The following TRPC4AP variants were observed in gnomAD, a reference collection of about 807,000 sequenced individuals.
The protein encoded by TRPC4AP is short transient receptor potential channel 4-associated protein.
In TRPC4AP, 45 loss-of-function variants were observed where a neutral mutation model predicts 99.0. The ratio of observed to expected loss-of-function variants is 0.45; its 90% CI spans 0.36 to 0.58. The LOEUF (loss-of-function observed/expected upper bound fraction) is 0.58, where lower values mean the gene tolerates loss of function less well. TRPC4AP is among the 20% of genes least tolerant of loss of function. The pLI is 0.00. For synonymous variants in TRPC4AP, 408 were observed against 385.8 expected (o/e 1.06, Z -0.67); for missense variants, 879 against 985.3 (o/e 0.89, Z 1.44).
chr20:35,035,354 G>A, intron 7 of TRPC4AP, 46 bp from the exon 8 acceptor site: 1 of 1,583,354 alleles, frequency 6.3e-7, no homozygotes, highest in Non-Finnish European at 8.6e-7. Flanking sequence ...ATAGAGACCA[G>A]CAAAACTACC....
rs2082674478 is a variant in TRPC4AP at position 35,013,037 on chromosome 20, C to T, written c.1380G>A (p.Arg460=). The T allele has an allele frequency of 1.2e-6, 2 of 1,614,122 alleles. No individual in the cohort carries two copies. The highest frequency in any genetic ancestry group is 1.3e-5 in the African/African-American group (1 of 75,050). ...PDITLKIQFL[R]LLQSFSDHHE... Reference sequence around the variant, plus strand: ...GGTGGTCACTGAAGCTCTGAAGAAGCCTCAAAAACTGTATCTTCAAGGTGA... The same window carrying T: ...GGTGGTCACTGAAGCTCTGAAGAAGTCTCAAAAACTGTATCTTCAAGGTGA... Residue 460 remains arginine (R), a synonymous_variant, in exon 11 of 19, where the codon AGG becomes AGA. Coordinates refer to ENST00000252015, the MANE Select transcript of TRPC4AP (RefSeq NM_015638.3).
At chr20:35,028,705 T>G (rs2083091601) in intron 8 of TRPC4AP, among the ~76,000 whole-genome samples, 1 of 152,180 alleles carries the variant, frequency 6.6e-6, no homozygotes, top group South Asian at 2.1e-4. Flanking sequence ...ACAGTGTTAT[T>G]TAAGTCTTCT....
intron 5 of TRPC4AP, among the ~76,000 whole-genome samples, chr20:35,051,763 T>G (rs1358186574): frequency 6.6e-6 from 1 of 152,094 alleles, no homozygotes; most frequent in Admixed American, 6.6e-5. Context: ...AGAACTAAAT[T>G]TACACTTTCT....
In TRPC4AP at chr20:35,007,629, GC is replaced by G; in HGVS notation, c.1606del (p.Ala536LeufsTer21). 6.2e-7 allele frequency: 1 copy of G among 1,614,228 alleles called. No individual in the cohort carries two copies. Among genetic ancestry groups the G allele is most frequent in the Non-Finnish European group, 8.5e-7 (1 of 1,180,032 alleles). ...TCGGAGGAAACTCTCCACAGCCCGA[GC>G]TTGCCAAAACCTGCGACCCAAATAC... ...PAESSFRFWQ[A>X]RAVESFLRGT... On this transcript the variant is annotated frameshift_variant, in exon 14 of 19. Coordinates refer to ENST00000252015, the MANE Select transcript of TRPC4AP (RefSeq NM_015638.3). LOFTEE classifies it high-confidence loss of function.
chr20:35,072,341 C>T (rs2084343009), intron 2 of TRPC4AP, among the ~76,000 whole-genome samples: 1 of 152,192 alleles, frequency 6.6e-6, no homozygotes, highest in African/African-American at 2.4e-5. Context: ...GTGTTTTAGT[C>T]ATGAAGTCCT....
At chr20:35,032,922 G>C (rs1443194552) in intron 8 of TRPC4AP, among the ~76,000 whole-genome samples, 1 of 152,030 alleles carries the variant, frequency 6.6e-6, no homozygotes, top group Non-Finnish European at 1.5e-5. Flanking sequence ...GACATTTTAG[G>C]CTGGGTGTGG....
chr20:35,025,013 A>G (rs1467751972), intron 8 of TRPC4AP, among the ~76,000 whole-genome samples: 1 of 152,002 alleles, frequency 6.6e-6, no homozygotes, highest in African/African-American at 2.4e-5. Context: ...TCTAGGCCCT[A>G]TGACATAACT....
chr20:35,012,564 C>A (rs1358208723), intron 11 of TRPC4AP, among the ~76,000 whole-genome samples: 2 of 152,178 alleles, frequency 1.3e-5, no homozygotes, highest in Non-Finnish European at 2.9e-5. Context: ...AATAAATGAG[C>A]GCAGAATGTC....
chr20:35,003,563 C>G lies in TRPC4AP; in HGVS notation c.2103G>C (p.Arg701=). ...GCAGGTACAGGGGCAGCCGCTCTTT[C>G]CGTCGGGCCAGCATCAGGATCACCA... The part of the protein sequence containing the change: ...TSLVILMLAR[R]KERLPLYLRL... Residue 701 remains arginine, a synonymous_variant, in exon 18 of 19, where the codon CGG becomes CGC. Coordinates refer to ENST00000252015, the MANE Select transcript of TRPC4AP (RefSeq NM_015638.3). 1.9e-6 allele frequency: 3 copies of G among 1,613,968 alleles called. No individual in the cohort carries two copies. The highest frequency in any genetic ancestry group is 2.5e-6 in the Non-Finnish European group (3 of 1,179,914).
At chr20:35,010,944 T>C (rs761761044) in intron 11 of TRPC4AP, among the ~76,000 whole-genome samples, 20 of 152,202 alleles carry the variant, frequency 1.3e-4, no homozygotes, top group Non-Finnish European at 2.9e-4. Flanking sequence ...AAACCCATCG[T>C]ATTTGAAAAT....
chr20:35,045,051 A>T (rs764276516), intron 6 of TRPC4AP, among the ~76,000 whole-genome samples: 13 of 152,166 alleles, frequency 8.5e-5, no homozygotes, highest in Non-Finnish European at 1.8e-4. Context: ...GAAATCATAA[A>T]TTACCATTCT....
intron 2 of TRPC4AP, among the ~76,000 whole-genome samples, chr20:35,071,352 T>C (rs1008456082): frequency 2.0e-5 from 3 of 152,124 alleles, no homozygotes; most frequent in African/African-American, 7.2e-5. Context: ...TACATATGTA[T>C]ACATGTGCCA....
chr20:35,024,854 A>AAAAAC (rs1479270980), intron 8 of TRPC4AP, among the ~76,000 whole-genome samples: 1 of 89,480 alleles, frequency 1.1e-5, no homozygotes, highest in African/African-American at 3.9e-5. Context: ...AAAAAAAAAA[A>AAAAAC]ATTCTGTTTA....
intron 2 of TRPC4AP, among the ~76,000 whole-genome samples, chr20:35,070,555 C>T (rs1486593551): frequency 1.3e-5 from 2 of 151,944 alleles, no homozygotes; most frequent in African/African-American, 4.8e-5. Context: ...GGACTACAGG[C>T]GCCCGCCACT....
chr20:35,015,955 C>G, intron 10 of TRPC4AP, 53 bp downstream of exon 10: 1 of 1,607,782 alleles, frequency 6.2e-7, no homozygotes. Context: ...GGTCTTGAAA[C>G]AACTACTCCA....
chr20:35,076,042 G>A (rs1045760912), intron 2 of TRPC4AP, among the ~76,000 whole-genome samples: 1 of 151,990 alleles, frequency 6.6e-6, no homozygotes, highest in African/African-American at 2.4e-5. Context: ...TCTTCCACTT[G>A]ATCGAATTGG....
chr20:35,075,443 G>C (rs1429295766), intron 2 of TRPC4AP, among the ~76,000 whole-genome samples: 1 of 152,166 alleles, frequency 6.6e-6, no homozygotes, highest in Non-Finnish European at 1.5e-5. Flanking sequence ...GCTCTTGTAA[G>C]GCAGGCCTGG....
chr20:35,021,226 G>A lies in TRPC4AP; in HGVS notation c.1182C>T (p.Val394=), dbSNP rs138023248. The change falls in exon 9 of 19, where the codon GTC becomes GTT. Residue 394 remains valine (V), a synonymous_variant. Coordinates refer to ENST00000252015, the MANE Select transcript of TRPC4AP (RefSeq NM_015638.3). Reference sequence around the variant, plus strand: ...GACGCCCCATCAGCAGCACGCAGAGGACATAGAGCACTTCCAGTTTGTACA... The same window carrying A: ...GACGCCCCATCAGCAGCACGCAGAGAACATAGAGCACTTCCAGTTTGTACA... The part of the protein sequence containing the change: ...EIMYKLEVLY[V]LCVLLMGRQR... The A allele has an allele frequency of 3.3e-5, 53 of 1,614,070 alleles. No individual in the cohort carries two copies. The African/African-American group carries it at 5.9e-4, about 18-fold the overall frequency.
At chr20:35,051,371 G>A (rs1003548349) in intron 5 of TRPC4AP, among the ~76,000 whole-genome samples, 4 of 152,096 alleles carry the variant, frequency 2.6e-5, no homozygotes, top group Admixed American at 2.0e-4. Context: ...TCACAAGTAC[G>A]AATATAGCTC....
Sources: allele counts gnomAD v4.1 joint callset (sites outside exome capture counted in the v4.1 genomes callset), GRCh38; gene constraint gnomAD v4.1.1; transcripts MANE v1.5; gene names NCBI Gene and HGNC (gene_info 2026-07-23, HGNC 2026-07-21).